Variants in XYLT1 observed in about 807,000 individuals in gnomAD.
XYLT1 encodes the protein xylosyltransferase 1.
XYLT1 carries 36 observed loss-of-function variants against 91.3 expected under a neutral mutation model. The ratio of observed to expected loss-of-function variants is 0.39; its 90% CI spans 0.30 to 0.52. The LOEUF (loss-of-function observed/expected upper bound fraction) is 0.52. Ranked by LOEUF, XYLT1 falls within the 20% of genes least tolerant of loss-of-function variation. XYLT1 has a pLI of 0.68. For missense variants in XYLT1, 1,242 were observed against 1,284.5 expected (o/e 0.97, Z 0.51); for synonymous variants, 588 against 532.0 (o/e 1.11, Z -1.45).
At chr16:17,455,012 C>T (rs976874128) in intron 1 of XYLT1, among the ~76,000 whole-genome samples, 3 of 145,656 alleles carry the variant, frequency 2.1e-5, no homozygotes, top group African/African-American at 7.6e-5. Flanking sequence ...AGCTGGGGTT[C>T]GCCAACCCTG....
At chr16:17,131,143 T>C (rs1261275105) in intron 9 of XYLT1, among the ~76,000 whole-genome samples, 5 of 152,176 alleles carry the variant, frequency 3.3e-5, no homozygotes, top group African/African-American at 9.7e-5. Flanking sequence ...AGCTACTCAA[T>C]CAGTACTTAT....
At chr16:17,157,806 T>C (rs1173000655) in intron 6 of XYLT1, among the ~76,000 whole-genome samples, 1 of 152,198 alleles carries the variant, frequency 6.6e-6, no homozygotes, top group East Asian at 1.9e-4. Flanking sequence ...TGGAGTGCAG[T>C]GGTGCAATCT....
intron 1 of XYLT1, among the ~76,000 whole-genome samples, chr16:17,390,673 A>G (rs1449745889): frequency 6.6e-6 from 1 of 152,258 alleles, no homozygotes; most frequent in Non-Finnish European, 1.5e-5. Flanking sequence ...ACTTTAAAAG[A>G]TAACAGTCCT....
chr16:17,423,248 C>A (rs1440336308), intron 1 of XYLT1, among the ~76,000 whole-genome samples: 1 of 152,154 alleles, frequency 6.6e-6, no homozygotes, highest in Non-Finnish European at 1.5e-5. Flanking sequence ...CCCTTCTCGG[C>A]AGGCCTCCCC....
intron 1 of XYLT1, among the ~76,000 whole-genome samples, chr16:17,366,453 T>C (rs1361408727): frequency 2.0e-5 from 3 of 152,306 alleles, no homozygotes; most frequent in Non-Finnish European, 2.9e-5. Flanking sequence ...CTGTAATCCG[T>C]GGAGGCCAAG....
intron 1 of XYLT1, among the ~76,000 whole-genome samples, chr16:17,441,930 G>A (rs1483381343): frequency 6.6e-6 from 1 of 152,108 alleles, no homozygotes; most frequent in Non-Finnish European, 1.5e-5. Flanking sequence ...TCAACTTGAT[G>A]TGGCCACAGA....
At chr16:17,332,798 T>G (rs4782004) in intron 2 of XYLT1, among the ~76,000 whole-genome samples, 86,062 of 151,774 alleles carry the variant, frequency 0.57, 24,960 homozygotes, top group Admixed American at 0.64. Context: ...TGGCCATTTA[T>G]AGTCATCCAG....
At chr16:17,270,058 C>T (rs1229119608) in intron 2 of XYLT1, among the ~76,000 whole-genome samples, 2 of 152,186 alleles carry the variant, frequency 1.3e-5, no homozygotes, top group African/African-American at 2.4e-5. Context: ...CGTGATCCAC[C>T]TGCCTTGGCC....
chr16:17,411,162 C>G (rs957320060), intron 1 of XYLT1, among the ~76,000 whole-genome samples: 1 of 152,208 alleles, frequency 6.6e-6, no homozygotes, highest in Admixed American at 6.5e-5. Context: ...ACAGCACCCA[C>G]CTCATGGGCC....
At chr16:17,214,954 A>G (rs2032828167) in intron 3 of XYLT1, among the ~76,000 whole-genome samples, 1 of 152,178 alleles carries the variant, frequency 6.6e-6, no homozygotes, top group Non-Finnish European at 1.5e-5. Flanking sequence ...TTTTCCAAAG[A>G]CAGGATTTGC....
intron 2 of XYLT1, among the ~76,000 whole-genome samples, chr16:17,323,051 T>C (rs2034747576): frequency 6.6e-6 from 1 of 152,212 alleles, no homozygotes; most frequent in African/African-American, 2.4e-5. Context: ...CCTAGCCAAA[T>C]ACCTCCATGG....
At chr16:17,393,660 C>A (rs946298676) in intron 1 of XYLT1, among the ~76,000 whole-genome samples, 9 of 152,020 alleles carry the variant, frequency 5.9e-5, no homozygotes, top group African/African-American at 2.2e-4. Context: ...ACATCTGTAA[C>A]CCTAGTGCTT....
At chr16:17,222,534 A>T (rs1464430969) in intron 3 of XYLT1, among the ~76,000 whole-genome samples, 2 of 152,208 alleles carry the variant, frequency 1.3e-5, no homozygotes, top group Non-Finnish European at 2.9e-5. Context: ...TTACGCCTGT[A>T]ATCCCAGCAC....
At chr16:17,296,952 T>A (rs1282209699) in intron 2 of XYLT1, among the ~76,000 whole-genome samples, 1 of 152,204 alleles carries the variant, frequency 6.6e-6, no homozygotes, top group Non-Finnish European at 1.5e-5. Context: ...TAATCAGGAA[T>A]GACTTTCCGA....
In XYLT1 at chr16:17,258,984, T is replaced by A; in HGVS notation, c.913+4A>T. ...CTCTCTGAGCCAGCGGGGTTGGAAC[T>A]TACCCTCGAGGGGGCAGAACCGAGT... On this transcript the variant is annotated splice_donor_region_variant and intron_variant, in intron 3 of 11. Transcript: ENST00000261381. 1 of 1,497,326 alleles carries A rather than the reference T, an allele frequency of 6.7e-7. No homozygotes were observed. The highest frequency in any genetic ancestry group is 1.4e-5 in the South Asian group (1 of 70,380). 92.8% of individuals were successfully genotyped at this position (1,497,326 alleles called of 1,614,324 possible).
chr16:17,307,814 G>A (rs2034489608), intron 2 of XYLT1, among the ~76,000 whole-genome samples: 1 of 152,190 alleles, frequency 6.6e-6, no homozygotes, highest in Non-Finnish European at 1.5e-5. Context: ...AATTGCTCAT[G>A]GAGAGAAAAC....
chr16:17,396,544 G>A (rs142859102), intron 1 of XYLT1, among the ~76,000 whole-genome samples: 46 of 152,198 alleles, frequency 3.0e-4, no homozygotes, highest in African/African-American at 1.1e-3. Flanking sequence ...TGCTGATAAG[G>A]GGCTAAATTC....
At chr16:17,416,464 T>C (rs1382737941) in intron 1 of XYLT1, among the ~76,000 whole-genome samples, 1 of 152,134 alleles carries the variant, frequency 6.6e-6, no homozygotes, top group African/African-American at 2.4e-5. Context: ...ACACGGGGCC[T>C]GAGATGCGAA....
chr16:17,222,104 C>T (rs528636750), intron 3 of XYLT1, among the ~76,000 whole-genome samples: 50 of 152,320 alleles, frequency 3.3e-4, no homozygotes, highest in African/African-American at 1.1e-3. Flanking sequence ...TTTCCACTCA[C>T]GTTCCTCTGA....
Sources: allele counts gnomAD v4.1 joint callset (sites outside exome capture counted in the v4.1 genomes callset), GRCh38; gene constraint gnomAD v4.1.1; transcripts MANE v1.5; gene names NCBI Gene and HGNC (gene_info 2026-07-23, HGNC 2026-07-21).